Variants in RIMS1 observed in about 807,000 individuals in gnomAD.
RIMS1 encodes the protein regulating synaptic membrane exocytosis protein 1.
In RIMS1, 83 loss-of-function variants were observed where a neutral mutation model predicts 214.1. The observed-to-expected ratio is 0.39, with a 90% CI of 0.32 to 0.47. The LOEUF is 0.47. Ranked by LOEUF, RIMS1 falls within the 20% of genes least tolerant of loss-of-function variation. The pLI is 0.99. For synonymous variants in RIMS1, 793 were observed against 786.8 expected (o/e 1.01, Z -0.13); for missense variants, 2,050 against 2,161.8 (o/e 0.95, Z 1.03).
intron 6 of RIMS1, among the ~76,000 whole-genome samples, chr6:72,195,215 A>G (rs778282423): frequency 3.5e-4 from 54 of 152,312 alleles, no homozygotes; most frequent in Middle Eastern, 3.4e-3. Context: ...TTCCTTCTTT[A>G]TCTTCTCCAT....
intron 29 of RIMS1, among the ~76,000 whole-genome samples, chr6:72,334,652 T>C (rs1201222138): frequency 6.6e-6 from 1 of 151,900 alleles, no homozygotes; most frequent in African/African-American, 2.4e-5. Context: ...AAAACCAACA[T>C]TGGTTCCATT....
At chr6:72,098,421 A>G (rs2032534614) in intron 3 of RIMS1, among the ~76,000 whole-genome samples, 1 of 151,664 alleles carries the variant, frequency 6.6e-6, no homozygotes. Flanking sequence ...CAGCCTCCCG[A>G]GTAGCTGAGA....
chr6:72,075,639 T>C (rs577126177), intron 2 of RIMS1, among the ~76,000 whole-genome samples: 2 of 152,278 alleles, frequency 1.3e-5, no homozygotes, highest in Non-Finnish European at 2.9e-5. Context: ...TTAACTAAGA[T>C]TAGAAAGATG....
intron 1 of RIMS1, among the ~76,000 whole-genome samples, chr6:71,890,863 C>T (rs1293317364): frequency 7.9e-6 from 1 of 126,860 alleles, no homozygotes; most frequent in Non-Finnish European, 1.6e-5. Context: ...TAATATAATT[C>T]TCACATCCTC....
chr6:72,242,226 T>C (rs2067267471), intron 9 of RIMS1, 88 bp from the exon 10 acceptor site: 1 of 1,034,378 alleles, frequency 9.7e-7, no homozygotes, highest in Non-Finnish European at 1.4e-6. Flanking sequence ...TTGTATATGT[T>C]TTGCATTTCT....
At chr6:72,145,510 G>A (rs961494521) in intron 4 of RIMS1, among the ~76,000 whole-genome samples, 2 of 152,126 alleles carry the variant, frequency 1.3e-5, no homozygotes, top group African/African-American at 2.4e-5. Flanking sequence ...TACTCAGGAG[G>A]CTGAGGCAGG....
Position 72,398,330 on chromosome 6 carries a change from CTGGT to C in RIMS1, c.4702_4705del (p.Gly1568ProfsTer20). The C allele has an allele frequency of 6.2e-7, 1 of 1,603,318 alleles. No homozygotes were observed. Among genetic ancestry groups the C allele is most frequent in the Non-Finnish European group, 8.5e-7 (1 of 1,174,758 alleles). The stretch of plus-strand genomic sequence containing the variant: ...AGAGCACGAAGCCTCACACAAAAGC[CTGGT>C]TCCAAATCTACACCTGGTAAGGAGA... On this transcript the variant is annotated frameshift_variant, in exon 32 of 34. Transcript: ENST00000521978. LOFTEE classifies it high-confidence loss of function.
chr6:72,293,896 G>A (rs1331409236), intron 26 of RIMS1, among the ~76,000 whole-genome samples: 1 of 151,692 alleles, frequency 6.6e-6, no homozygotes, highest in Non-Finnish European at 1.5e-5. Flanking sequence ...CTACATTGGT[G>A]GAGTTACTTT....
In RIMS1 at chr6:72,138,858, G is replaced by A. The variant is rs138916568; in HGVS notation, c.471+38872G>A. On this transcript the variant is annotated intron_variant, in intron 4 of 33. Coordinates refer to ENST00000521978, the MANE Select transcript of RIMS1 (RefSeq NM_014989.7). Reference sequence around the variant, plus strand: ...TCACTATCTTATGTTGCTGGTGGAAGTGTAGGTTACTACTGCTTGTTGTGA... The same window carrying A: ...TCACTATCTTATGTTGCTGGTGGAAATGTAGGTTACTACTGCTTGTTGTGA... 2.3e-3 allele frequency among the ~76,000 whole-genome samples: 346 copies of A among 152,292 alleles called. 1 individual carries two copies. The highest frequency in any genetic ancestry group is 7.9e-3 in the African/African-American group (330 of 41,574).
At chr6:72,283,956 G>A (rs1429334491) in intron 23 of RIMS1, 91 bp from the exon 24 acceptor site, 4 of 958,284 alleles carry the variant, frequency 4.2e-6, no homozygotes, top group African/African-American at 1.6e-5. Context: ...TAATATAGTT[G>A]CCATTTTTCA....
intron 6 of RIMS1, among the ~76,000 whole-genome samples, chr6:72,183,503 C>G (rs2048645327): frequency 8.1e-6 from 1 of 123,868 alleles, no homozygotes; most frequent in African/African-American, 3.3e-5. Context: ...AAAATTATGC[C>G]TTATAAAGGA....
chr6:71,905,752 T>C (rs1435670978), intron 1 of RIMS1, among the ~76,000 whole-genome samples: 2 of 152,240 alleles, frequency 1.3e-5, no homozygotes, highest in African/African-American at 2.4e-5. Context: ...TCCCAGAGTG[T>C]TGGGGAATAA....
chr6:71,888,898 T>C (rs904107385), intron 1 of RIMS1, among the ~76,000 whole-genome samples: 2 of 152,184 alleles, frequency 1.3e-5, no homozygotes, highest in African/African-American at 4.8e-5. Context: ...AGTGGAAGAA[T>C]GACGTCCCTG....
chr6:72,247,632 G>T (rs760627884), intron 11 of RIMS1, among the ~76,000 whole-genome samples: 4 of 150,668 alleles, frequency 2.7e-5, no homozygotes, highest in Middle Eastern at 3.4e-3. Context: ...ATTATATTAT[G>T]TATGCATTCA....
At chr6:72,053,717 T>G (rs190094095) in intron 2 of RIMS1, among the ~76,000 whole-genome samples, 2 of 152,234 alleles carry the variant, frequency 1.3e-5, no homozygotes, top group East Asian at 3.9e-4. Context: ...TCTAAGGAAA[T>G]AATGCTTTTG....
intron 7 of RIMS1, among the ~76,000 whole-genome samples, chr6:72,235,125 G>A (rs946688185): frequency 6.6e-6 from 1 of 151,912 alleles, no homozygotes. Context: ...ATAGTGATGT[G>A]TCAGTACCTA....
intron 29 of RIMS1, among the ~76,000 whole-genome samples, chr6:72,342,441 C>T (rs999865646): frequency 6.6e-6 from 1 of 151,766 alleles, no homozygotes; most frequent in African/African-American, 2.4e-5. Context: ...TGTTCACATG[C>T]ATGGTGCTGG....
chr6:72,135,084 C>A (rs1039602473), intron 4 of RIMS1, among the ~76,000 whole-genome samples: 4 of 152,046 alleles, frequency 2.6e-5, no homozygotes, highest in East Asian at 1.9e-4. Context: ...CACCTCACCA[C>A]CCACCCAAAA....
chr6:72,279,397 G>A (rs2088778747), intron 23 of RIMS1, among the ~76,000 whole-genome samples: 1 of 151,924 alleles, frequency 6.6e-6, no homozygotes, highest in African/African-American at 2.4e-5. Context: ...ATACCTTACA[G>A]TTGAATGTAC....
Sources: gnomAD v4.1 joint callset for allele counts (sites outside exome capture counted in the v4.1 genomes callset) on GRCh38, gnomAD v4.1.1 for gene constraint, MANE v1.5 for transcripts, NCBI Gene and HGNC (gene_info 2026-07-23, HGNC 2026-07-21) for gene names.